RGPD2: variants seen among roughly 807,000 people sequenced by gnomAD.
RGPD2 encodes RANBP2 like and GRIP domain containing 2, also known as RANBP2-like and GRIP domain-containing protein 2.
In RGPD2, 2 loss-of-function variants were observed where a neutral mutation model predicts 36.0. That is an observed-to-expected ratio of 0.06 (90% CI 0.02 to 0.17). The LOEUF is 0.17. Ranked by LOEUF, RGPD2 falls within the 10% of genes least tolerant of loss-of-function variation. The pLI, the probability that RGPD2 is intolerant of heterozygous loss-of-function variation, is 1.00. For missense variants in RGPD2, 40 were observed against 464.3 expected (o/e 0.09, Z 8.40); for synonymous variants, 19 against 163.8 (o/e 0.12, Z 6.75).
the RGPD2 span, among the ~76,000 whole-genome samples, chr2:87,915,632 G>A: frequency 1.4e-5 from 2 of 143,968 alleles, no homozygotes; most frequent in Non-Finnish European, 3.0e-5. Context: ...ATATATGTGC[G>A]TGTATATATA....
the RGPD2 span, among the ~76,000 whole-genome samples, chr2:87,921,319 A>G: frequency 1.3e-5 from 2 of 152,204 alleles, no homozygotes; most frequent in Admixed American, 1.3e-4. Flanking sequence ...ACCAGTTTCT[A>G]GAGCCGGTCC....
At chr2:87,922,368 T>C in the RGPD2 span, among the ~76,000 whole-genome samples, 1 of 151,230 alleles carries the variant, frequency 6.6e-6, no homozygotes, top group African/African-American at 2.4e-5. Context: ...ATAAAGTTCA[T>C]TACCAGAAAG....
At chr2:87,897,097 TC>T in the RGPD2 span, among the ~76,000 whole-genome samples, 1 of 152,238 alleles carries the variant, frequency 6.6e-6, no homozygotes, top group Non-Finnish European at 1.5e-5. Flanking sequence ...GTTGCCTGGC[TC>T]CCTTATAACT....
chr2:87,973,662 C>A, the RGPD2 span, among the ~76,000 whole-genome samples: 1 of 127,246 alleles, frequency 7.9e-6, no homozygotes, highest in Non-Finnish European at 1.7e-5. Flanking sequence ...ACACAGGAGC[C>A]TTTGATCTCA....
chr2:87,831,766 A>C, the RGPD2 span, among the ~76,000 whole-genome samples: 1 of 150,388 alleles, frequency 6.6e-6, no homozygotes, highest in Non-Finnish European at 1.5e-5. Flanking sequence ...AAGCTAAATA[A>C]ATCATTTTCA....
intron 1 of RGPD2, 141 bp downstream of exon 1, chr2:87,825,517 C>CCGT (rs1686728940): frequency 2.5e-6 from 1 of 405,138 alleles, no homozygotes; most frequent in Admixed American, 1.2e-4. Context: ...GCCGAGGCCG[C>CCGT]CGCCCGGCCG....
At chr2:87,885,656 A>T in the RGPD2 span, among the ~76,000 whole-genome samples, 1 of 149,458 alleles carries the variant, frequency 6.7e-6, no homozygotes, top group Non-Finnish European at 1.5e-5. Flanking sequence ...CTTCAAGTAC[A>T]ACAAAATCAA....
chr2:87,847,585 G>A, the RGPD2 span, among the ~76,000 whole-genome samples: 30 of 149,464 alleles, frequency 2.0e-4, no homozygotes, highest in Non-Finnish European at 3.6e-4. Context: ...TGTAACCTCC[G>A]CGTCCAGGGT....
the RGPD2 span, among the ~76,000 whole-genome samples, chr2:87,831,095 T>G: frequency 6.6e-6 from 1 of 152,194 alleles, no homozygotes; most frequent in South Asian, 2.1e-4. Flanking sequence ...ATGGAAAGTA[T>G]GGTAACTTAA....
At chr2:87,915,387 A>ATATATATGTATATTATATATATTG in the RGPD2 span, among the ~76,000 whole-genome samples, 11 of 98,732 alleles carry the variant, frequency 1.1e-4, no homozygotes, top group Non-Finnish European at 2.2e-4. Flanking sequence ...TATATATTGT[A>ATATATATGTATATTATATATATTG]TATATATGTA....
At chr2:87,979,875 C>CA in the RGPD2 span, among the ~76,000 whole-genome samples, 3,402 of 114,730 alleles carry the variant, frequency 0.03, 218 homozygotes, top group East Asian at 0.19. Context: ...GACTCCGTCT[C>CA]AAAAAAAAAA....
chr2:87,861,391 T>C, the RGPD2 span, among the ~76,000 whole-genome samples: 1 of 152,138 alleles, frequency 6.6e-6, no homozygotes, highest in Non-Finnish European at 1.5e-5. Context: ...ATGCCTTTAA[T>C]CAAGATTTAT....
chr2:87,922,153 C>T, the RGPD2 span, among the ~76,000 whole-genome samples: 2 of 151,324 alleles, frequency 1.3e-5, no homozygotes, highest in African/African-American at 4.9e-5. Flanking sequence ...ATTAGCTGGG[C>T]GTGGTGGCGT....
At chr2:87,883,052 G>C in the RGPD2 span, among the ~76,000 whole-genome samples, 1 of 152,090 alleles carries the variant, frequency 6.6e-6, no homozygotes, top group Non-Finnish European at 1.5e-5. Flanking sequence ...TGTAATGGTG[G>C]TGGATAAATT....
the RGPD2 span, among the ~76,000 whole-genome samples, chr2:87,918,724 C>A: frequency 6.6e-6 from 1 of 151,760 alleles, no homozygotes; most frequent in Non-Finnish European, 1.5e-5. Context: ...TCTTAGACTG[C>A]CCAATACCAG....
chr2:87,866,455 A>G, the RGPD2 span, among the ~76,000 whole-genome samples: 2 of 152,154 alleles, frequency 1.3e-5, no homozygotes, highest in African/African-American at 4.8e-5. Context: ...GCTATGTTAT[A>G]ACATCATTTT....
chr2:87,834,586 T>C, the RGPD2 span, among the ~76,000 whole-genome samples: 3 of 151,890 alleles, frequency 2.0e-5, no homozygotes, highest in Non-Finnish European at 2.9e-5. Context: ...AAAATATCAC[T>C]CAAACTAACA....
At chr2:87,978,123 A>G in the RGPD2 span, among the ~76,000 whole-genome samples, 13 of 149,658 alleles carry the variant, frequency 8.7e-5, no homozygotes. Context: ...TCTCAAAAAT[A>G]AAATAAAATA....
the RGPD2 span, among the ~76,000 whole-genome samples, chr2:87,876,032 GTAGT>G: frequency 1.1e-3 from 162 of 151,746 alleles, no homozygotes; most frequent in Non-Finnish European, 2.1e-3. Flanking sequence ...ATAGCTGTGA[GTAGT>G]TCATTGGGGT....
Sources: allele counts gnomAD v4.1 joint callset (sites outside exome capture counted in the v4.1 genomes callset), GRCh38; gene constraint gnomAD v4.1.1; transcripts MANE v1.5; gene names NCBI Gene and HGNC (gene_info 2026-07-23, HGNC 2026-07-21).